The following PARD3B variants were observed in gnomAD, a reference collection of about 807,000 sequenced individuals.
The protein encoded by PARD3B is partitioning defective 3 homolog B.
A neutral mutation model predicts 130.2 loss-of-function variants in PARD3B; 103 were observed. The observed-to-expected ratio is 0.79, with a 90% CI of 0.67 to 0.93. The LOEUF (loss-of-function observed/expected upper bound fraction) is 0.93. Among genes scored for constraint, PARD3B ranks in the 40% least tolerant of loss-of-function variants. PARD3B has a pLI of 0.00. For missense variants in PARD3B, 1,609 were observed against 1,499.2 expected (o/e 1.07, Z -1.21); for synonymous variants, 583 against 553.2 (o/e 1.05, Z -0.76).
intron 2 of PARD3B, among the ~76,000 whole-genome samples, chr2:204,904,503 CT>C (rs2046977108): frequency 6.6e-6 from 1 of 152,096 alleles, no homozygotes; most frequent in Non-Finnish European, 1.5e-5. Context: ...ATCGTCTACC[CT>C]TCTATTTTAT....
intron 2 of PARD3B, among the ~76,000 whole-genome samples, chr2:204,776,449 A>G (rs1255997996): frequency 6.6e-6 from 1 of 152,156 alleles, no homozygotes; most frequent in African/African-American, 2.4e-5. Context: ...AGAATAGATT[A>G]TTAGTGATGG....
chr2:204,996,621 TC>T (rs1158086035), intron 3 of PARD3B, among the ~76,000 whole-genome samples: 1 of 150,944 alleles, frequency 6.6e-6, no homozygotes, highest in East Asian at 2.0e-4. Context: ...AGTTCGAGCT[TC>T]CCGGCTGCTT....
intron 1 of PARD3B, among the ~76,000 whole-genome samples, chr2:204,640,915 T>G (rs1380970641): frequency 6.8e-6 from 1 of 148,054 alleles, no homozygotes; most frequent in African/African-American, 2.5e-5. Context: ...TATATATATA[T>G]TTACTATATA....
intron 2 of PARD3B, among the ~76,000 whole-genome samples, chr2:204,777,502 C>T (rs190757139): frequency 5.1e-4 from 78 of 152,258 alleles, no homozygotes; most frequent in Non-Finnish European, 1.0e-3. Context: ...GGCATAGTGG[C>T]CCATGCCTGT....
chr2:204,590,774 G>A (rs2033040421), intron 1 of PARD3B, among the ~76,000 whole-genome samples: 1 of 152,230 alleles, frequency 6.6e-6, no homozygotes, highest in African/African-American at 2.4e-5. Context: ...ATCTGCATGT[G>A]TGTGTTGAAA....
intron 4 of PARD3B, among the ~76,000 whole-genome samples, chr2:205,053,408 C>T (rs1319788288): frequency 6.6e-6 from 1 of 151,986 alleles, no homozygotes; most frequent in Non-Finnish European, 1.5e-5. Context: ...GAGACTGAGG[C>T]AGGTGGATCA....
At chr2:205,484,868 C>G (rs777082861) in intron 20 of PARD3B, among the ~76,000 whole-genome samples, 1 of 152,182 alleles carries the variant, frequency 6.6e-6, no homozygotes. Context: ...GTCACACTGT[C>G]GAGAGGCTAC....
chr2:205,474,108 A>G (rs1454528298), intron 20 of PARD3B, among the ~76,000 whole-genome samples: 2 of 151,930 alleles, frequency 1.3e-5, no homozygotes, highest in Non-Finnish European at 2.9e-5. Flanking sequence ...AAATACAGGC[A>G]CCAAGTTTCT....
At chr2:204,949,066 A>G (rs986071861) in intron 2 of PARD3B, among the ~76,000 whole-genome samples, 1 of 152,186 alleles carries the variant, frequency 6.6e-6, no homozygotes, top group African/African-American at 2.4e-5. Flanking sequence ...ACTTCCTCAT[A>G]CTCAGAGATG....
chr2:204,849,811 C>A (rs1254936451), intron 2 of PARD3B, among the ~76,000 whole-genome samples: 1 of 151,092 alleles, frequency 6.6e-6, no homozygotes, highest in Non-Finnish European at 1.5e-5. Context: ...TTTTTTTTTG[C>A]AGCTGGCCTA....
intron 1 of PARD3B, among the ~76,000 whole-genome samples, chr2:204,671,324 A>G (rs1028995387): frequency 9.9e-5 from 15 of 152,162 alleles, no homozygotes; most frequent in East Asian, 3.9e-4. Flanking sequence ...TCCAGAGATA[A>G]TATCTCTTGC....
chr2:204,659,226 C>A (rs2125180147), intron 1 of PARD3B, among the ~76,000 whole-genome samples: 1 of 152,264 alleles, frequency 6.6e-6, no homozygotes, highest in East Asian at 1.9e-4. Flanking sequence ...GTAATTTTGA[C>A]ATAATTGAAC....
At chr2:204,841,028 CT>C (rs1269202406) in intron 2 of PARD3B, among the ~76,000 whole-genome samples, 1 of 152,088 alleles carries the variant, frequency 6.6e-6, no homozygotes, top group Admixed American at 6.5e-5. Context: ...TTCTTTCTTT[CT>C]TTTTCCCAAA....
At chr2:204,702,742 T>C (rs2037953258) in intron 2 of PARD3B, among the ~76,000 whole-genome samples, 1 of 151,958 alleles carries the variant, frequency 6.6e-6, no homozygotes, top group African/African-American at 2.4e-5. Flanking sequence ...ACTTGGCTAA[T>C]TTTTTGTATT....
chr2:205,148,405 T>C lies in PARD3B; in HGVS notation c.1435-10317T>C, dbSNP rs2033519141. ...TTGAAAATAAAATGCCTCCCTGCTG[T>C]TGAAATGAGTCTCTGATCCCTACTC... is the stretch of plus-strand genomic sequence containing the variant. On this transcript the variant is annotated intron_variant, in intron 10 of 22. Transcript: ENST00000406610. Among the ~76,000 whole-genome samples, 2 of 152,200 alleles carry C rather than the reference T, an allele frequency of 1.3e-5. 1 individual carries two copies. The highest frequency in any genetic ancestry group is 1.3e-4 in the Admixed American group (2 of 15,272).
intron 20 of PARD3B, among the ~76,000 whole-genome samples, chr2:205,454,119 C>T (rs994476858): frequency 6.6e-6 from 1 of 152,148 alleles, no homozygotes; most frequent in Non-Finnish European, 1.5e-5. Flanking sequence ...TGGGCTTTGA[C>T]CTACTTCTCT....
chr2:204,772,461 A>G (rs192139778), intron 2 of PARD3B, among the ~76,000 whole-genome samples: 2 of 152,200 alleles, frequency 1.3e-5, no homozygotes, highest in African/African-American at 2.4e-5. Flanking sequence ...GTAATTAACT[A>G]TTTGTGGTTG....
chr2:204,921,957 G>A (rs1015126787), intron 2 of PARD3B, among the ~76,000 whole-genome samples: 5 of 152,112 alleles, frequency 3.3e-5, no homozygotes, highest in Non-Finnish European at 5.9e-5. Context: ...GGCTGGGGGT[G>A]TGGCATGGTA....
intron 4 of PARD3B, among the ~76,000 whole-genome samples, chr2:205,049,417 A>G (rs1231096442): frequency 6.6e-6 from 1 of 152,130 alleles, no homozygotes; most frequent in Admixed American, 6.6e-5. Context: ...CAAGAACAGC[A>G]TGGGGGAACT....
Sources: allele counts gnomAD v4.1 joint callset (sites outside exome capture counted in the v4.1 genomes callset), GRCh38; gene constraint gnomAD v4.1.1; transcripts MANE v1.5; gene names NCBI Gene and HGNC (gene_info 2026-07-23, HGNC 2026-07-21).